Variants in TTC23 observed in about 807,000 individuals in gnomAD.
TTC23 encodes the protein tetratricopeptide repeat domain 23.
TTC23 carries 58 observed loss-of-function variants against 55.1 expected under a neutral mutation model. The observed-to-expected ratio is 1.05, with a 90% CI of 0.85 to 1.31. The LOEUF (loss-of-function observed/expected upper bound fraction) is 1.31, where lower values mean the gene tolerates loss of function less well. Among genes scored for constraint, TTC23 ranks in the 50% most tolerant of loss-of-function variants. TTC23 has a pLI of 0.00. For synonymous variants in TTC23, 203 were observed against 199.9 expected (o/e 1.02, Z -0.13); for missense variants, 516 against 534.4 (o/e 0.97, Z 0.34).
intron 2 of TTC23, among the ~76,000 whole-genome samples, chr15:99,243,426 A>G (rs1597058668): frequency 6.6e-6 from 1 of 152,186 alleles, no homozygotes; most frequent in African/African-American, 2.4e-5. Flanking sequence ...CACTGTGGAG[A>G]ACAGTATGGA....
chr15:99,188,988 T>C (rs905409875), intron 9 of TTC23, among the ~76,000 whole-genome samples: 1 of 152,100 alleles, frequency 6.6e-6, no homozygotes, highest in Non-Finnish European at 1.5e-5. Context: ...CCCTTCAACC[T>C]AGTGGTCCCA....
intron 12 of TTC23, among the ~76,000 whole-genome samples, chr15:99,147,465 T>C (rs1223133794): frequency 6.6e-6 from 1 of 152,006 alleles, no homozygotes; most frequent in Non-Finnish European, 1.5e-5. Context: ...GACCTCGTGA[T>C]CCTCCTGCCT....
rs530327965 is a variant in TTC23 at position 99,217,849 on chromosome 15, G to A, written c.581+739C>T. The stretch of plus-strand genomic sequence containing the variant: ...AATGATTCCGTGGGTTCTCTGAGTC[G>A]TCTTGGCAATCAACCTACACATACA... On this transcript the variant is annotated intron_variant, in intron 8 of 13. Coordinates refer to ENST00000394132, the MANE Select transcript of TTC23 (RefSeq NM_001288615.3). 1.7e-3 allele frequency among the ~76,000 whole-genome samples: 264 copies of A among 152,230 alleles called. 3 individuals are homozygous for A. The highest frequency in any genetic ancestry group is 5.9e-3 in the African/African-American group (244 of 41,520).
chr15:99,163,179 T>G (rs2071614473), intron 10 of TTC23, among the ~76,000 whole-genome samples: 1 of 152,146 alleles, frequency 6.6e-6, no homozygotes, highest in Non-Finnish European at 1.5e-5. Flanking sequence ...ACAGGAGCCC[T>G]TTAAAAGCAG....
chr15:99,222,929 G>A (rs532949638), intron 5 of TTC23, among the ~76,000 whole-genome samples: 42 of 152,262 alleles, frequency 2.8e-4, no homozygotes, highest in African/African-American at 9.4e-4. Flanking sequence ...CCCGGGAGGC[G>A]GAGCTTGCAG....
chr15:99,161,626 A>C, intron 11 of TTC23, 114 bp downstream of exon 11: 1 of 1,235,748 alleles, frequency 8.1e-7, no homozygotes, highest in Non-Finnish European at 1.1e-6. Context: ...CCCTCTAGAG[A>C]CTGGCACATG....
At chr15:99,167,266 C>T (rs1327464699) in intron 10 of TTC23, among the ~76,000 whole-genome samples, 1 of 152,194 alleles carries the variant, frequency 6.6e-6, no homozygotes, top group African/African-American at 2.4e-5. Context: ...GGTGTAGGTT[C>T]ACAAAGAGCC....
chr15:99,147,640 G>C (rs1555494646), intron 12 of TTC23, among the ~76,000 whole-genome samples: 1 of 152,178 alleles, frequency 6.6e-6, no homozygotes, highest in Non-Finnish European at 1.5e-5. Flanking sequence ...TGCTTGAAGA[G>C]TCTTTAAGCA....
At chr15:99,190,834 T>G (rs1567438940) in intron 9 of TTC23, among the ~76,000 whole-genome samples, 1 of 152,118 alleles carries the variant, frequency 6.6e-6, no homozygotes, top group Non-Finnish European at 1.5e-5. Context: ...CAGGTTGGAG[T>G]GCAGTGATGC....
intron 12 of TTC23, among the ~76,000 whole-genome samples, chr15:99,147,311 C>T (rs1339958246): frequency 7.2e-4 from 106 of 146,564 alleles, no homozygotes; most frequent in Middle Eastern, 3.9e-3. Context: ...CTGCAAGCTC[C>T]GCCTCCCAGG....
chr15:99,203,095 G>A lies in TTC23; in HGVS notation c.582-2999C>T, dbSNP rs561335698. ...CCACCCCAACACCAACCACATAAGA[G>A]TTTGGAAAGTCCAAATAATAGGCAA... On this transcript the variant is annotated intron_variant, in intron 8 of 13. Transcript: ENST00000394132. Among the ~76,000 whole-genome samples, 246 of 152,222 alleles carry A rather than the reference G, an allele frequency of 1.6e-3. 1 individual carries two copies. The highest frequency in any genetic ancestry group is 5.6e-3 in the African/African-American group (234 of 41,512).
chr15:99,169,324 C>A (rs191987176), intron 10 of TTC23, among the ~76,000 whole-genome samples: 1 of 150,914 alleles, frequency 6.6e-6, no homozygotes, highest in African/African-American at 2.4e-5. Flanking sequence ...GCAACTGGGG[C>A]GTGGCCAGCC....
chr15:99,231,381 T>G (rs1468040605), intron 4 of TTC23, among the ~76,000 whole-genome samples: 6 of 152,238 alleles, frequency 3.9e-5, no homozygotes, highest in African/African-American at 1.2e-4. Flanking sequence ...GAAAGCTCCA[T>G]GCATGTTACT....
intron 12 of TTC23, among the ~76,000 whole-genome samples, chr15:99,142,930 C>T (rs2068415193): frequency 1.3e-5 from 2 of 152,208 alleles, no homozygotes; most frequent in African/African-American, 4.8e-5. Flanking sequence ...CCCATCCTTA[C>T]CCTACCCCTA....
At chr15:99,234,393 C>T (rs569178131) in intron 4 of TTC23, among the ~76,000 whole-genome samples, 16 of 152,062 alleles carry the variant, frequency 1.1e-4, no homozygotes, top group Admixed American at 7.2e-4. Flanking sequence ...TTTTTTGAGA[C>T]GGAGTCTCGC....
At position 99,219,038 on chromosome 15, in the gene TTC23, C is replaced by T; in HGVS notation, c.315G>A (p.Leu105=). The T allele has an allele frequency of 1.9e-6, 3 of 1,614,072 alleles. No individual in the cohort carries two copies. Among genetic ancestry groups the T allele is most frequent in the Admixed American group, 1.7e-5 (1 of 60,022 alleles). Residue 105 remains leucine, a synonymous_variant, in exon 7 of 14, where the codon CTG becomes CTA. Transcript: ENST00000394132. The stretch of plus-strand genomic sequence containing the variant: ...CTTTTTCTGCATGTTGTTTTGCTTG[C>T]AGTGACAGTCCTGTGGACAAAGAAA... ...QGYLQLKGLS[L]QAKQHAEKAR... is the part of the protein sequence containing the mutation.
chr15:99,189,601 C>T (rs1245781663), intron 9 of TTC23, among the ~76,000 whole-genome samples: 1 of 151,994 alleles, frequency 6.6e-6, no homozygotes, highest in Non-Finnish European at 1.5e-5. Flanking sequence ...GGTACAATAT[C>T]CCTTTGTAGT....
intron 9 of TTC23, among the ~76,000 whole-genome samples, chr15:99,177,672 A>T (rs1179750620): frequency 6.6e-6 from 1 of 152,240 alleles, no homozygotes; most frequent in Admixed American, 6.5e-5. Context: ...ATGCAAAGAC[A>T]TATAGTATTT....
At position 99,188,713 on chromosome 15, in the gene TTC23, CA is replaced by C. The variant is rs1228789523; in HGVS notation, c.759+11205del. ...TCACTTAAACATATGAAAAGATGTT[CA>C]ACTCCTTTTTAAAAAATATAAATGC... On this transcript the variant is annotated intron_variant, in intron 9 of 13. Transcript: ENST00000394132. 3.9e-5 allele frequency among the ~76,000 whole-genome samples: 6 copies of C among 152,112 alleles called. No individual in the cohort carries two copies. In the East Asian group the frequency reaches 1.2e-3, roughly 29 times the overall value.
Sources: allele counts gnomAD v4.1 joint callset (sites outside exome capture counted in the v4.1 genomes callset), GRCh38; gene constraint gnomAD v4.1.1; transcripts MANE v1.5; gene names NCBI Gene and HGNC (gene_info 2026-07-23, HGNC 2026-07-21).